TRABD2B: variants seen among roughly 807,000 people sequenced by gnomAD.
The protein encoded by TRABD2B is TraB domain containing 2B.
A neutral mutation model predicts 40.1 loss-of-function variants in TRABD2B; 14 were observed. The ratio of observed to expected loss-of-function variants is 0.35; its 90% confidence interval spans 0.23 to 0.55. The LOEUF is 0.55. Among genes scored for constraint, TRABD2B ranks in the 20% least tolerant of loss-of-function variants. The pLI is 0.90. For synonymous variants in TRABD2B, 263 were observed against 277.0 expected (o/e 0.95, Z 0.50); for missense variants, 541 against 648.6 (o/e 0.83, Z 1.80).
chr1:47,948,776 G>C (rs17460032), intron 2 of TRABD2B, among the ~76,000 whole-genome samples: 13,339 of 152,042 alleles, frequency 0.088, 637 homozygotes, highest in African/African-American at 0.097. Flanking sequence ...AAAATTTCAA[G>C]ATGTTTCCCT....
At chr1:47,771,977 G>A (rs570421094) in intron 6 of TRABD2B, among the ~76,000 whole-genome samples, 2 of 152,070 alleles carry the variant, frequency 1.3e-5, no homozygotes, top group African/African-American at 4.8e-5. Flanking sequence ...TGATCCTCAC[G>A]GCCTCCCAGC....
intron 2 of TRABD2B, among the ~76,000 whole-genome samples, chr1:47,905,776 G>C: frequency 6.6e-6 from 1 of 152,028 alleles, no homozygotes; most frequent in Non-Finnish European, 1.5e-5. Flanking sequence ...TGGTGTGAAA[G>C]AATACAGTCA....
intron 2 of TRABD2B, among the ~76,000 whole-genome samples, chr1:47,875,698 A>AGAAG (rs1373620127): frequency 1.5e-5 from 2 of 132,232 alleles, no homozygotes; most frequent in African/African-American, 2.8e-5. Flanking sequence ...AAAAAAAAAA[A>AGAAG]AAGAAGAAGG....
At chr1:47,845,346 T>C (rs1248006846) in intron 2 of TRABD2B, among the ~76,000 whole-genome samples, 1 of 152,322 alleles carries the variant, frequency 6.6e-6, no homozygotes, top group Middle Eastern at 3.4e-3. Context: ...ATTAGGATAA[T>C]AACAACAAAA....
chr1:47,815,708 C>G (rs1052270019), intron 2 of TRABD2B, among the ~76,000 whole-genome samples: 6 of 152,172 alleles, frequency 3.9e-5, no homozygotes, highest in African/African-American at 1.4e-4. Flanking sequence ...TTCTTTCAAC[C>G]TGGAGTGTCT....
At chr1:47,854,277 ACT>A (rs1295315289) in intron 2 of TRABD2B, among the ~76,000 whole-genome samples, 2 of 152,198 alleles carry the variant, frequency 1.3e-5, no homozygotes, top group Non-Finnish European at 2.9e-5. Flanking sequence ...GGAAGGGGTT[ACT>A]AGGAAAGGTT....
At chr1:47,945,268 G>T (rs74072092) in intron 2 of TRABD2B, among the ~76,000 whole-genome samples, 22,741 of 152,114 alleles carry the variant, frequency 0.15, 1,951 homozygotes, top group East Asian at 0.35. Context: ...TCTTGGATTG[G>T]ACATGGATGT....
intron 2 of TRABD2B, among the ~76,000 whole-genome samples, chr1:47,846,857 T>TATACACACAC (rs374941615): frequency 7.5e-5 from 8 of 106,390 alleles, no homozygotes; most frequent in Admixed American, 1.8e-4. Context: ...AAAACATGCA[T>TATACACACAC]ACACACACAC....
intron 2 of TRABD2B, among the ~76,000 whole-genome samples, chr1:47,898,586 T>C (rs1239060487): frequency 6.6e-6 from 1 of 152,222 alleles, no homozygotes; most frequent in East Asian, 1.9e-4. Flanking sequence ...ATACGAGCTC[T>C]AACTCCCTTA....
chr1:47,977,013 G>A (rs1052452529), intron 2 of TRABD2B, among the ~76,000 whole-genome samples: 1 of 151,272 alleles, frequency 6.6e-6, no homozygotes, highest in Non-Finnish European at 1.5e-5. Flanking sequence ...CATGCACTCA[G>A]TTATGTATAT....
chr1:47,848,383 C>A (rs530655015), intron 2 of TRABD2B, among the ~76,000 whole-genome samples: 12 of 152,044 alleles, frequency 7.9e-5, no homozygotes, highest in Non-Finnish European at 4.4e-5. Context: ...ACCAAGATTA[C>A]GGCTCAGGCT....
At chr1:47,877,769 G>T (rs1398318003) in intron 2 of TRABD2B, among the ~76,000 whole-genome samples, 1 of 152,168 alleles carries the variant, frequency 6.6e-6, no homozygotes, top group Non-Finnish European at 1.5e-5. Context: ...TGCAGCTACT[G>T]GTGGACTGCC....
chr1:47,836,512 T>C (rs939454941), intron 2 of TRABD2B, among the ~76,000 whole-genome samples: 4 of 152,358 alleles, frequency 2.6e-5, no homozygotes, highest in Non-Finnish European at 4.4e-5. Flanking sequence ...GAATTATGTG[T>C]GTTGTCCTTA....
intron 2 of TRABD2B, among the ~76,000 whole-genome samples, chr1:47,863,345 G>A (rs959478282): frequency 4.2e-4 from 30 of 71,864 alleles, no homozygotes; most frequent in Admixed American, 7.5e-4. Flanking sequence ...TAGGATAACT[G>A]GATAATTGGA....
At chr1:47,914,711 T>G (rs1644807382) in intron 2 of TRABD2B, among the ~76,000 whole-genome samples, 1 of 152,152 alleles carries the variant, frequency 6.6e-6, no homozygotes, top group Non-Finnish European at 1.5e-5. Flanking sequence ...AAAGAGCTGG[T>G]CCATTGGCAC....
intron 3 of TRABD2B, chr1:47,795,658 G>A: frequency 1.0e-6 from 1 of 985,244 alleles, no homozygotes; most frequent in Non-Finnish European, 1.2e-6. Flanking sequence ...GGCTGTCATG[G>A]GCTACATTCA....
At chr1:47,847,330 G>C (rs748839818) in intron 2 of TRABD2B, among the ~76,000 whole-genome samples, 5 of 152,210 alleles carry the variant, frequency 3.3e-5, no homozygotes, top group Non-Finnish European at 4.4e-5. Context: ...TGTTCTGAAA[G>C]CATGCAACTC....
rs74343305 is a variant in TRABD2B at position 47,996,635 on chromosome 1, G to A, written c.102+53C>T. The A allele has an allele frequency of 1.3e-3, 1,633 of 1,221,776 alleles. 75 individuals carry two copies. The East Asian group carries it at 0.051, about 38-fold the overall frequency. 75.7% of individuals were successfully genotyped at this position (1,221,776 alleles called of 1,614,324 possible). ...AGCAGGACCCAAACCATGGTCCCAC[G>A]GGACTAGAATACCCAGGCAGGCGGG... is the stretch of plus-strand genomic sequence containing the variant. On this transcript the variant is annotated intron_variant, in intron 1 of 6. Transcript: ENST00000606738. The surrounding 1 kb of genome is among the most constrained non-coding windows in gnomAD (Gnocchi z 4.6).
chr1:47,904,290 C>T (rs78496056), intron 2 of TRABD2B, among the ~76,000 whole-genome samples: 1,581 of 152,182 alleles, frequency 0.01, 18 homozygotes, highest in South Asian at 0.021. Context: ...TGATCAATGG[C>T]TGGGATGGGG....
Sources: gnomAD v4.1 joint callset for allele counts (sites outside exome capture counted in the v4.1 genomes callset) on GRCh38, gnomAD v4.1.1 for gene constraint, Gnocchi (gnomAD v3.1) non-coding constraint, MANE v1.5 for transcripts, NCBI Gene and HGNC (gene_info 2026-07-23, HGNC 2026-07-21) for gene names.